MAB21L3: variants seen among roughly 807,000 people sequenced by gnomAD.
The protein encoded by MAB21L3 is protein mab-21-like 3.
Under a neutral mutation model 37.7 loss-of-function variants are expected in MAB21L3, and 36 were observed. That is an observed-to-expected ratio of 0.96 (90% confidence interval 0.73 to 1.26). The LOEUF is 1.26. MAB21L3 is among the 50% of genes most tolerant of loss of function. The pLI, the probability that MAB21L3 is intolerant of heterozygous loss-of-function variation, is 0.00. For missense variants in MAB21L3, 430 were observed against 447.3 expected (o/e 0.96, Z 0.35); for synonymous variants, 186 against 176.8 (o/e 1.05, Z -0.41).
At chr1:116,131,497 G>C (rs1263328420) in intron 7 of MAB21L3, among the ~76,000 whole-genome samples, 1 of 152,162 alleles carries the variant, frequency 6.6e-6, no homozygotes, top group Non-Finnish European at 1.5e-5. Context: ...GGAAGACCTT[G>C]AAGTATTTTA....
At position 116,137,733 on chromosome 1, in the gene MAB21L3, A is replaced by G. The variant is rs551075448; in HGVS notation, c.*4368A>G. ...GACTTGGAACCAACCCAAATATCCAACAATGATAGAGTGGATTAAGAAAAT... is the reference window on the plus strand; with the variant it reads ...GACTTGGAACCAACCCAAATATCCAGCAATGATAGAGTGGATTAAGAAAAT... On this transcript the variant is annotated 3_prime_UTR_variant, in exon 8 of 8. Coordinates refer to ENST00000369500, the MANE Select transcript of MAB21L3 (RefSeq NM_152367.3). 1.3e-5 allele frequency among the ~76,000 whole-genome samples: 2 copies of G among 152,298 alleles called. No individual in the cohort carries two copies. Among genetic ancestry groups the G allele is most frequent in the East Asian group, 3.9e-4 (2 of 5,188 alleles).
chr1:116,113,109 G>A (rs1211817982), intron 3 of MAB21L3, among the ~76,000 whole-genome samples: 2 of 152,144 alleles, frequency 1.3e-5, no homozygotes, highest in Non-Finnish European at 2.9e-5. Context: ...TATATTTTTA[G>A]TACACATCAG....
At chr1:116,127,328 C>G in intron 5 of MAB21L3, 138 bp from the exon 6 acceptor site, 5 of 724,958 alleles carry the variant, frequency 6.9e-6, no homozygotes, top group Non-Finnish European at 1.1e-5. Context: ...TGATCCTTCA[C>G]GTGCTACAGA....
chr1:116,132,381 TG>T (rs1660093496), intron 7 of MAB21L3, among the ~76,000 whole-genome samples: 1 of 152,122 alleles, frequency 6.6e-6, no homozygotes, highest in Admixed American at 6.5e-5. Context: ...AAGTGAAGGA[TG>T]GCTCAGGAGG....
intron 3 of MAB21L3, among the ~76,000 whole-genome samples, chr1:116,117,270 T>A (rs1324848005): frequency 1.3e-5 from 2 of 150,740 alleles, no homozygotes; most frequent in Non-Finnish European, 2.9e-5. Flanking sequence ...AGGAGGCTAG[T>A]CTTGGCCTTC....
intron 6 of MAB21L3, among the ~76,000 whole-genome samples, 180 bp downstream of exon 6, chr1:116,127,824 G>A (rs1261969636): frequency 2.0e-5 from 3 of 152,300 alleles, no homozygotes; most frequent in African/African-American, 4.8e-5. Context: ...GCAGCTTCCC[G>A]AGCCCCCACT....
In MAB21L3 at chr1:116,121,091, C is replaced by T; in HGVS notation, c.189+19C>T. Reference sequence around the variant, plus strand: ...TATTAAGGTAAGCAAGTCTTGCTGTCTCTAAGTGCCACCAACAGAGCCAGG... The same window carrying T: ...TATTAAGGTAAGCAAGTCTTGCTGTTTCTAAGTGCCACCAACAGAGCCAGG... On this transcript the variant is annotated intron_variant, in intron 4 of 7. Coordinates refer to ENST00000369500, the MANE Select transcript of MAB21L3 (RefSeq NM_152367.3). 1 of 1,608,036 alleles carries T rather than the reference C, an allele frequency of 6.2e-7. No individual in the cohort carries two copies. The highest frequency in any genetic ancestry group is 8.5e-7 in the Non-Finnish European group (1 of 1,176,506).
chr1:116,134,522 A>G lies in MAB21L3; in HGVS notation c.*1157A>G, dbSNP rs1269691626. On this transcript the variant is annotated 3_prime_UTR_variant, in exon 8 of 8. Transcript: ENST00000369500. ...ATGCAAATAGCTGAAGGGGAAGGAA[A>G]AGTGACCAAAGGCAGGCATGGTGGG... 3 of 152,294 alleles carry G rather than the reference A, an allele frequency of 2.0e-5. No homozygotes were observed. Among genetic ancestry groups the G allele is most frequent in the African/African-American group, 7.2e-5 (3 of 41,462 alleles). 9.4% of individuals were successfully genotyped at this position (152,294 alleles called of 1,614,324 possible).
chr1:116,120,746 C>A (rs1659723913), intron 3 of MAB21L3, among the ~76,000 whole-genome samples, 186 bp from the exon 4 acceptor site: 1 of 152,152 alleles, frequency 6.6e-6, no homozygotes. Context: ...CATTGAGGCA[C>A]CACCAAGTGT....
chr1:116,132,275 C>T (rs1329186905), intron 7 of MAB21L3, among the ~76,000 whole-genome samples: 2 of 152,142 alleles, frequency 1.3e-5, no homozygotes, highest in Non-Finnish European at 2.9e-5. Flanking sequence ...CCTCCAGAAA[C>T]TCCACTTCTC....
At position 116,129,808 on chromosome 1, in the gene MAB21L3, C is replaced by T. The variant is rs186525665; in HGVS notation, c.855+1469C>T. 1.0e-3 allele frequency among the ~76,000 whole-genome samples: 156 copies of T among 152,284 alleles called. No individual in the cohort carries two copies. The Middle Eastern group carries it at 0.02, about 20-fold the overall frequency. On this transcript the variant is annotated intron_variant, in intron 7 of 7. Coordinates refer to ENST00000369500, the MANE Select transcript of MAB21L3 (RefSeq NM_152367.3). ...TCTTTTTTTCGCACAAAATCACTAA[C>T]CTTGCTTCACCTTCTTATCTTTCCA...
At position 116,128,037 on chromosome 1, in the gene MAB21L3, G is replaced by A. The variant is rs1026840337; in HGVS notation, c.661-108G>A. 6.8e-6 allele frequency: 8 copies of A among 1,182,464 alleles called. No individual in the cohort carries two copies. In the African/African-American group the frequency reaches 1.2e-4, roughly 18 times the overall value. The allele number at this position is 1,182,464 out of a possible 1,614,324, so 73.2% of individuals were successfully genotyped here. On this transcript the variant is annotated intron_variant, in intron 6 of 7. Transcript: ENST00000369500. ...TTCTCATCCCCACGTAGGATGTGCT[G>A]TCTGCCTGGTGACAAGTTCCCCAGA...
chr1:116,123,721 CG>C lies in MAB21L3; in HGVS notation c.190-343del, dbSNP rs547747693. Among the ~76,000 whole-genome samples the C allele has an allele frequency of 4.3e-3, 650 of 152,328 alleles. 4 individuals carry two copies. Among genetic ancestry groups the C allele is most frequent in the African/African-American group, 0.015 (607 of 41,574 alleles). On this transcript the variant is annotated intron_variant, in intron 4 of 7. Coordinates refer to ENST00000369500, the MANE Select transcript of MAB21L3 (RefSeq NM_152367.3). ...GAAATGGTCAAATGCATTAGAATTA[CG>C]GTGTTGCGTCTGCATGGAACTGAAT...
intron 5 of MAB21L3, among the ~76,000 whole-genome samples, chr1:116,126,879 C>T (rs866701414): frequency 7.2e-5 from 11 of 152,130 alleles, no homozygotes; most frequent in Non-Finnish European, 1.2e-4. Context: ...ACCCATACAA[C>T]CATTCAATGA....
chr1:116,118,641 C>T (rs980260160), intron 3 of MAB21L3, among the ~76,000 whole-genome samples: 5 of 152,196 alleles, frequency 3.3e-5, no homozygotes, highest in Non-Finnish European at 7.3e-5. Flanking sequence ...TATTCTCCCA[C>T]TTCACCACCT....
chr1:116,114,656 G>T (rs1570800856), intron 3 of MAB21L3, among the ~76,000 whole-genome samples: 1 of 152,328 alleles, frequency 6.6e-6, no homozygotes, highest in Non-Finnish European at 1.5e-5. Context: ...AAATGAAAGA[G>T]AAATTTTGGT....
Position 116,124,115 on chromosome 1 carries a change from C to T in MAB21L3, c.239C>T (p.Ala80Val), listed in dbSNP as rs141687184. The part of the protein sequence containing the change: ...FLVTVPIKGL[A>V]GYREAREQHW... ...GTCACAGTCCCAATAAAAGGCCTGG[C>T]CGGGTACAGGGAGGCCAGGGAGCAG... The change falls in exon 5 of 8, where the codon GCC becomes GTC. Residue 80 changes from alanine to valine, a missense_variant. Coordinates refer to ENST00000369500, the MANE Select transcript of MAB21L3 (RefSeq NM_152367.3). 4.3e-5 allele frequency: 69 copies of T among 1,613,534 alleles called. No individual in the cohort carries two copies. The African/African-American group carries it at 8.1e-4, about 19-fold the overall frequency.
rs1412274180 is a variant in MAB21L3, at chr1:116,121,061, G to A, written c.178G>A (p.Glu60Lys). The change falls in exon 4 of 8, where the codon GAA becomes AAA. Residue 60 changes from glutamate (E) to lysine (K), a missense_variant. Glu to Lys is a moderately conservative substitution (Grantham distance 56). Coordinates refer to ENST00000369500, the MANE Select transcript of MAB21L3 (RefSeq NM_152367.3). ...QAVPYSDTYNENIKVLAPSQF... is the reference protein window; with the variant it reads ...QAVPYSDTYNKNIKVLAPSQF... ...TGTGCCTTACTCTGACACGTACAAT[G>A]AAAATATTAAGGTAAGCAAGTCTTG... 9 of 1,613,424 alleles carry A rather than the reference G, an allele frequency of 5.6e-6. No homozygotes were observed. The highest frequency in any genetic ancestry group is 7.6e-6 in the Non-Finnish European group (9 of 1,179,732).
rs1410961263 is a variant in MAB21L3 at position 116,136,231 on chromosome 1, A to G, written c.*2866A>G. ...CATGATTGTATATCTAGAAAACCCC[A>G]TTGTCTCAGCCCAAAATCTCCTTAA... On this transcript the variant is annotated 3_prime_UTR_variant, in exon 8 of 8. Transcript: ENST00000369500. 1.8e-3 allele frequency among the ~76,000 whole-genome samples: 269 copies of G among 151,836 alleles called. No homozygotes were observed. Among genetic ancestry groups the G allele is most frequent in the African/African-American group, 5.2e-3 (216 of 41,380 alleles).
Sources: gnomAD v4.1 joint callset for allele counts (sites outside exome capture counted in the v4.1 genomes callset) on GRCh38, gnomAD v4.1.1 for gene constraint, MANE v1.5 for transcripts, NCBI Gene and HGNC (gene_info 2026-07-23, HGNC 2026-07-21) for gene names.